Variants in GABRB3 observed in about 807,000 individuals in gnomAD.
The protein encoded by GABRB3 is gamma-aminobutyric acid receptor subunit beta-3.
GABRB3 carries 14 observed loss-of-function variants against 52.1 expected under a neutral mutation model. That is an observed-to-expected ratio of 0.27 (90% CI 0.18 to 0.42). The LOEUF (loss-of-function observed/expected upper bound fraction) is 0.42. Among genes scored for constraint, GABRB3 ranks in the 10% least tolerant of loss-of-function variants. The pLI, the probability that GABRB3 is intolerant of heterozygous loss-of-function variation, is 1.00. For missense variants in GABRB3, 307 were observed against 609.1 expected, an observed-to-expected ratio of 0.50 and a Z score of 5.22; for synonymous variants, 260 against 232.3, an observed-to-expected ratio of 1.12 and a Z score of -1.08.
At chr15:26,759,179 G>A (rs1374765616) in intron 3 of GABRB3, among the ~76,000 whole-genome samples, 3 of 151,948 alleles carry the variant, frequency 2.0e-5, no homozygotes, top group Non-Finnish European at 2.9e-5. Context: ...CACCTGCAGC[G>A]GTTTACTTGC....
chr15:26,555,823 C>T, intron 8 of GABRB3, among the ~76,000 whole-genome samples: 1 of 152,122 alleles, frequency 6.6e-6, no homozygotes, highest in East Asian at 1.9e-4. Flanking sequence ...AATAGTTTGG[C>T]TGCTTTATTT....
intron 3 of GABRB3, among the ~76,000 whole-genome samples, chr15:26,752,829 C>T (rs1266655388): frequency 6.6e-5 from 10 of 152,092 alleles, no homozygotes; most frequent in African/African-American, 2.2e-4. Context: ...ATCCTCCTTC[C>T]GAGGGACGCT....
In GABRB3 at chr15:26,621,432, G is replaced by C; in HGVS notation, c.343C>G (p.Gln115Glu). The change falls in exon 4 of 9, where the codon CAG becomes GAG. Residue 115 changes from glutamine to glutamate, a missense_variant. By Grantham distance (29) the Gln-to-Glu change is conservative. Around this residue, in one of 6 missense-constraint regions of GABRB3, gnomAD observed 31 missense variants for 71.2 expected, o/e 0.44. Coordinates refer to ENST00000311550, the MANE Select transcript of GABRB3 (RefSeq NM_000814.6). The surrounding 1 kb of genome is among the most constrained non-coding windows in gnomAD (Gnocchi z 4.1). ...NLTLDNRVAD[Q>E]LWVPDTYFLN... ...AAATATGTGTCGGGCACCCATAGCT[G>C]GTCAGCCACTCGATTGTCAAGCGTG... 1.9e-6 allele frequency: 3 copies of C among 1,614,106 alleles called. No individual in the cohort carries two copies. Among genetic ancestry groups the C allele is most frequent in the Non-Finnish European group, 8.5e-7 (1 of 1,180,004 alleles).
intron 3 of GABRB3, among the ~76,000 whole-genome samples, chr15:26,676,297 C>T (rs779297788): frequency 6.6e-6 from 1 of 152,136 alleles, no homozygotes; most frequent in Admixed American, 6.5e-5. Context: ...TTTTCCTCTT[C>T]TCTTTTCATT....
chr15:26,680,105 G>A (rs754892496), intron 3 of GABRB3, among the ~76,000 whole-genome samples: 14 of 152,172 alleles, frequency 9.2e-5, no homozygotes, highest in Admixed American at 6.5e-5. Flanking sequence ...TCCCCTCCAC[G>A]ATGAAGGTGG....
At chr15:26,602,746 T>C (rs1457538805) in intron 4 of GABRB3, among the ~76,000 whole-genome samples, 1 of 152,048 alleles carries the variant, frequency 6.6e-6, no homozygotes, top group Non-Finnish European at 1.5e-5. Context: ...CCAAAACCTA[T>C]GGTATATAGC....
At position 26,713,908 on chromosome 15, in the gene GABRB3, G is replaced by A. The variant is rs117567798; in HGVS notation, c.240+58494C>T. The stretch of plus-strand genomic sequence containing the variant: ...AGCAGAGGAACCAGGGATCAGAGAC[G>A]GCTGGTGGAGGTTGAACGGCCACAT... On this transcript the variant is annotated intron_variant, in intron 3 of 8. Coordinates refer to ENST00000311550, the MANE Select transcript of GABRB3 (RefSeq NM_000814.6). Among the ~76,000 whole-genome samples, 592 of 152,322 alleles carry A rather than the reference G, an allele frequency of 3.9e-3. 5 individuals carry two copies. Among genetic ancestry groups the A allele is most frequent in the Non-Finnish European group, 7.3e-3 (494 of 68,040 alleles).
chr15:26,728,099 A>G (rs1337777529), intron 3 of GABRB3, among the ~76,000 whole-genome samples: 1 of 152,182 alleles, frequency 6.6e-6, no homozygotes, highest in Non-Finnish European at 1.5e-5. Context: ...GATACACTGC[A>G]TCTAAAGGTA....
intron 3 of GABRB3, among the ~76,000 whole-genome samples, chr15:26,760,450 G>C (rs994014625): frequency 6.6e-6 from 1 of 152,094 alleles, no homozygotes; most frequent in South Asian, 2.1e-4. Flanking sequence ...CAGAGGGTGA[G>C]CTTGAAAGCT....
intron 8 of GABRB3, among the ~76,000 whole-genome samples, chr15:26,549,028 A>C (rs1889362029): frequency 6.6e-6 from 1 of 151,802 alleles, no homozygotes; most frequent in Non-Finnish European, 1.5e-5. Context: ...ACACTTCCCT[A>C]TCTCTCTTCC....
At chr15:26,565,653 G>T (rs1010077927) in intron 7 of GABRB3, among the ~76,000 whole-genome samples, 1 of 152,090 alleles carries the variant, frequency 6.6e-6, no homozygotes, top group East Asian at 1.9e-4. Flanking sequence ...GGGTATTAAC[G>T]ATTTAATACT....
chr15:26,591,889 G>C (rs1194851293), intron 4 of GABRB3, among the ~76,000 whole-genome samples: 2 of 152,178 alleles, frequency 1.3e-5, no homozygotes, highest in African/African-American at 2.4e-5. Flanking sequence ...CGATGTTCTA[G>C]TCACATATCA....
intron 3 of GABRB3, among the ~76,000 whole-genome samples, chr15:26,754,933 C>T (rs74004672): frequency 0.017 from 2,578 of 151,904 alleles, 83 homozygotes; most frequent in African/African-American, 0.059. Context: ...CAGGATTAAA[C>T]GGAGATTTAA....
chr15:26,716,537 C>G (rs1889472355), intron 3 of GABRB3: 5 of 945,498 alleles, frequency 5.3e-6, no homozygotes, highest in Non-Finnish European at 6.3e-6. Flanking sequence ...GTTCCCCAAG[C>G]AGGTCAAACC....
intron 3 of GABRB3, among the ~76,000 whole-genome samples, chr15:26,682,913 A>G (rs1888283439): frequency 6.6e-6 from 1 of 152,200 alleles, no homozygotes; most frequent in African/African-American, 2.4e-5. Flanking sequence ...GAGCCCAAAG[A>G]GCAGCTCCTC....
chr15:26,745,084 G>A (rs1230241866), intron 3 of GABRB3, among the ~76,000 whole-genome samples: 1 of 151,988 alleles, frequency 6.6e-6, no homozygotes, highest in African/African-American at 2.4e-5. Flanking sequence ...GGCAGGGGGA[G>A]GTGCCACACG....
At chr15:26,674,474 A>G (rs1416427380) in intron 3 of GABRB3, among the ~76,000 whole-genome samples, 2 of 150,454 alleles carry the variant, frequency 1.3e-5, no homozygotes, top group East Asian at 3.9e-4. Context: ...AAAAGAAAGA[A>G]AGAAAGAGAG....
At chr15:26,567,510 C>T in intron 7 of GABRB3, 71 bp downstream of exon 7, 4 of 1,484,598 alleles carry the variant, frequency 2.7e-6, no homozygotes, top group East Asian at 4.6e-5. Context: ...GAACTACAGC[C>T]TTTGAACTCT....
At chr15:26,552,776 G>A (rs986914314) in intron 8 of GABRB3, among the ~76,000 whole-genome samples, 40 of 152,188 alleles carry the variant, frequency 2.6e-4, no homozygotes, top group African/African-American at 9.2e-4. Flanking sequence ...GTGCCACAAA[G>A]GAAAGAAGTG....
Sources: gnomAD v4.1 joint callset for allele counts (sites outside exome capture counted in the v4.1 genomes callset) on GRCh38, gnomAD v4.1.1 for gene constraint, gnomAD v4.1.1 regional missense constraint, Gnocchi (gnomAD v3.1) non-coding constraint, MANE v1.5 for transcripts, NCBI Gene and HGNC (gene_info 2026-07-23, HGNC 2026-07-21) for gene names.